The following NBPF12 variants were observed in gnomAD, a reference collection of about 807,000 sequenced individuals.
NBPF12 encodes NBPF member 12.
In NBPF12, 115 loss-of-function variants were observed where a neutral mutation model predicts 146.4. That is an observed-to-expected ratio of 0.79 (90% CI 0.68 to 0.92). The LOEUF is 0.92. Among genes scored for constraint, NBPF12 ranks in the 40% least tolerant of loss-of-function variants. NBPF12 has a pLI of 0.00. For synonymous variants in NBPF12, 385 were observed against 508.9 expected (o/e 0.76, Z 3.28); for missense variants, 1,205 against 1,326.8 (o/e 0.91, Z 1.43).
chr1:146,964,810 C>T lies in NBPF12; in HGVS notation c.567-83C>T, dbSNP rs1553885321. 6,678 of 1,595,886 alleles carry T rather than the reference C, an allele frequency of 4.2e-3. 347 individuals are homozygous for T. In the Admixed American group the frequency reaches 0.098, roughly 23 times the overall value. ...TCTGGGACCACTCTCTTAATGCCGC[C>T]TGTCAAAACCAGCTAGGACTCCCTG... On this transcript the variant is annotated intron_variant, in intron 7 of 33. Coordinates refer to ENST00000617844, the Ensembl canonical transcript of NBPF12.
At chr1:146,960,889 T>C (rs1210210396) in intron 4 of NBPF12, among the ~76,000 whole-genome samples, 1 of 152,120 alleles carries the variant, frequency 6.6e-6, no homozygotes, top group Non-Finnish European at 1.5e-5. Context: ...GGCTCACTCC[T>C]GTAATCTCAG....
chr1:146,978,585 G>GTA (rs1204665059), intron 18 of NBPF12, among the ~76,000 whole-genome samples: 2 of 151,926 alleles, frequency 1.3e-5, no homozygotes, highest in East Asian at 3.9e-4. Flanking sequence ...CGTGTTTCAT[G>GTA]TATAGATGCC....
chr1:146,960,630 A>G (rs1655789797), intron 4 of NBPF12, among the ~76,000 whole-genome samples: 1 of 152,076 alleles, frequency 6.6e-6, no homozygotes, highest in African/African-American at 2.4e-5. Flanking sequence ...TCTCTGTACC[A>G]TATAAGATCC....
At chr1:146,948,785 TTGAGA>T (rs1222100777), upstream of NBPF12, among the ~76,000 whole-genome samples, 1 of 150,876 alleles carries the variant, frequency 6.6e-6, no homozygotes, top group Non-Finnish European at 1.5e-5. Flanking sequence ...CTCTTTGCAG[TTGAGA>T]TAAGAGGAAG....
intron 19 of NBPF12, among the ~76,000 whole-genome samples, chr1:146,981,259 C>T (rs1657356698): frequency 8.8e-6 from 1 of 113,782 alleles, no homozygotes; most frequent in African/African-American, 3.5e-5. Context: ...TGCACATGTA[C>T]CCTAAGACTT....
At chr1:146,964,593 TTCTC>T (rs1656071933) in intron 7 of NBPF12, among the ~76,000 whole-genome samples, 164 bp downstream of exon 10, 1 of 151,904 alleles carries the variant, frequency 6.6e-6, no homozygotes, top group African/African-American at 2.4e-5. Flanking sequence ...GCTGTCATGT[TTCTC>T]TATGTGTGCC....
At chr1:146,966,376 G>T in intron 8 of NBPF12, 88 bp from the exon 12 acceptor site, 1 of 1,123,672 alleles carries the variant, frequency 8.9e-7, no homozygotes, top group Non-Finnish European at 1.4e-6. Flanking sequence ...AGTACACAAG[G>T]CTGCCAGTGA....
At chr1:146,947,877 T>C (rs1169025630), upstream of NBPF12, among the ~76,000 whole-genome samples, 12 of 152,040 alleles carry the variant, frequency 7.9e-5, no homozygotes, top group African/African-American at 2.2e-4. Flanking sequence ...TCTGTGCTGG[T>C]GACTGGTATT....
intron 1 of NBPF12, among the ~76,000 whole-genome samples, chr1:146,951,068 G>T (rs1462378006): frequency 2.0e-5 from 3 of 151,928 alleles, no homozygotes; most frequent in Non-Finnish European, 1.5e-5. Flanking sequence ...TTCCAAAGAG[G>T]CCTCTCTATA....
chr1:146,981,273 G>A (rs1403751938), intron 19 of NBPF12, among the ~76,000 whole-genome samples: 2 of 43,154 alleles, frequency 4.6e-5, no homozygotes, highest in African/African-American at 1.1e-4. Flanking sequence ...AAGACTTAAA[G>A]TATTAAAAAA....
chr1:146,977,972 A>G (rs1450490717), intron 18 of NBPF12, among the ~76,000 whole-genome samples: 10 of 151,900 alleles, frequency 6.6e-5, no homozygotes, highest in Non-Finnish European at 1.0e-4. Flanking sequence ...GTCATCTGTG[A>G]TTTAGTCATC....
chr1:146,970,239 C>T (rs1207912412), intron 11 of NBPF12, among the ~76,000 whole-genome samples: 40 of 150,168 alleles, frequency 2.7e-4, no homozygotes, highest in Admixed American at 4.0e-4. Flanking sequence ...AGTCTCATGA[C>T]GAATAGAGGA....
chr1:146,939,612 G>T (rs1366965259), intron 1 of NBPF12, among the ~76,000 whole-genome samples: 1 of 151,986 alleles, frequency 6.6e-6, no homozygotes, highest in Non-Finnish European at 1.5e-5. Flanking sequence ...GTGCCTGTCT[G>T]TCTTTCTTTG....
chr1:146,964,241 G>C lies in NBPF12; in HGVS notation c.494-116G>C, dbSNP rs1656047539. 19 of 1,490,206 alleles carry C rather than the reference G, an allele frequency of 1.3e-5. No individual in the cohort carries two copies. The East Asian group carries it at 3.2e-4, about 25-fold the overall frequency. 92.3% of individuals were successfully genotyped at this position (1,490,206 alleles called of 1,614,324 possible). A position where few individuals can be genotyped will look rare whatever the true frequency, so the allele number is the denominator to read the frequency against. On this transcript the variant is annotated intron_variant, in intron 6 of 33. Transcript: ENST00000617844. ...ATTTTGTGAAGGATAAAACATGAGA[G>C]TTTTCAGTACAATGCTGAACCATAC...
chr1:146,964,633 G>C (rs1397724652), intron 7 of NBPF12, among the ~76,000 whole-genome samples: 1 of 151,942 alleles, frequency 6.6e-6, no homozygotes, highest in Non-Finnish European at 1.5e-5. Flanking sequence ...ACCATACAGG[G>C]ATAGCTGAGT....
intron 4 of NBPF12, among the ~76,000 whole-genome samples, chr1:146,961,506 A>T (rs1655847640): frequency 6.6e-6 from 1 of 151,066 alleles, no homozygotes; most frequent in East Asian, 1.9e-4. Flanking sequence ...CTTCATTCTG[A>T]TGTTTCTAAA....
At chr1:146,944,899 TCTTCCTCC>T (rs1654954887), upstream of NBPF12, among the ~76,000 whole-genome samples, 1 of 121,102 alleles carries the variant, frequency 8.3e-6, no homozygotes, top group Admixed American at 7.9e-5. Context: ...TCCCTTCCTT[TCTTCCTCC>T]CTTCCTCCCT....
Position 146,970,498 on chromosome 1 carries a change from G to T in NBPF12, c.1307-149G>T, listed in dbSNP as rs1392468769. 286 of 1,124,110 alleles carry T rather than the reference G, an allele frequency of 2.5e-4. 2 individuals carry two copies. Among genetic ancestry groups the T allele is most frequent in the Middle Eastern group, 8.9e-4 (3 of 3,388 alleles). 69.6% of individuals were successfully genotyped at this position (1,124,110 alleles called of 1,614,324 possible). ...ATTGCCTGATGGACCAGGAAACCAT[G>T]CCAGGGCATTTTGTGAAAGATAAAA... is the stretch of plus-strand genomic sequence containing the variant. On this transcript the variant is annotated intron_variant, in intron 11 of 33. Coordinates refer to ENST00000617844, the Ensembl canonical transcript of NBPF12.
intron 19 of NBPF12, among the ~76,000 whole-genome samples, chr1:146,982,534 A>G (rs1254858499): frequency 2.0e-5 from 3 of 151,924 alleles, no homozygotes; most frequent in African/African-American, 7.3e-5. Context: ...GGGGCCCTTA[A>G]TACACAAGAT....
Sources: gnomAD v4.1 joint callset for allele counts (sites outside exome capture counted in the v4.1 genomes callset) on GRCh38, gnomAD v4.1.1 for gene constraint, MANE v1.5 for transcripts, NCBI Gene and HGNC (gene_info 2026-07-23, HGNC 2026-07-21) for gene names.